CAPS2: variants seen among roughly 807,000 people sequenced by gnomAD.
CAPS2 encodes the protein calcyphosine 2.
Under a neutral mutation model 86.5 loss-of-function variants are expected in CAPS2, and 98 were observed. The ratio of observed to expected loss-of-function variants is 1.13; its 90% confidence interval spans 0.96 to 1.34. The LOEUF is 1.34. Among genes scored for constraint, CAPS2 ranks in the 40% most tolerant of loss-of-function variants. The pLI is 0.00. For missense variants in CAPS2, 729 were observed against 686.8 expected (o/e 1.06, Z -0.69); for synonymous variants, 210 against 225.1 (o/e 0.93, Z 0.60).
At chr12:75,306,177 C>T (rs1212896558) in intron 7 of CAPS2, 7 of 833,000 alleles carry the variant, frequency 8.4e-6, no homozygotes, top group African/African-American at 1.7e-5. Flanking sequence ...ACCTGAAGTA[C>T]CGGCCCGGCC....
At position 75,299,033 on chromosome 12, in the gene CAPS2, C is replaced by T; in HGVS notation, c.855-67G>A. ...ATTTTTAGATGAATTAACTAAAAAA[C>T]ATGTTCATCTCAAGAAGGATAGCTA... On this transcript the variant is annotated intron_variant, in intron 9 of 16. Transcript: ENST00000393284. The T allele has an allele frequency of 2.9e-6, 3 of 1,021,694 alleles. No homozygotes were observed. The South Asian group carries it at 5.0e-5, about 17-fold the overall frequency. The allele number at this position is 1,021,694 out of a possible 1,614,324, so 63.3% of individuals were successfully genotyped here.
intron 2 of CAPS2, among the ~76,000 whole-genome samples, chr12:75,323,704 T>C (rs1421899070): frequency 1.3e-5 from 2 of 152,182 alleles, no homozygotes; most frequent in Non-Finnish European, 2.9e-5. Context: ...GATTGCGCCA[T>C]TGCACTCCAG....
intron 12 of CAPS2, 129 bp downstream of exon 12, chr12:75,293,120 T>C: frequency 4.8e-6 from 3 of 620,076 alleles, no homozygotes; most frequent in Non-Finnish European, 8.4e-6. Context: ...CATACGTAGC[T>C]ATGCTTGTTT....
chr12:75,285,459 C>T (rs912746144), intron 14 of CAPS2, among the ~76,000 whole-genome samples: 3 of 151,946 alleles, frequency 2.0e-5, no homozygotes, highest in Non-Finnish European at 4.4e-5. Context: ...TTATTTGTGA[C>T]AAGAGCACTT....
intron 7 of CAPS2, chr12:75,305,540 T>C: frequency 1.6e-6 from 1 of 621,190 alleles, no homozygotes; most frequent in Non-Finnish European, 3.1e-6. Context: ...CCGGTAGGCG[T>C]TCCTCCGTCC....
chr12:75,305,576 C>T, intron 7 of CAPS2: 1 of 630,892 alleles, frequency 1.6e-6, no homozygotes. Flanking sequence ...CCGCAGAGCC[C>T]TCCTCCAGAC....
chr12:75,283,729 G>T (rs1351492271), intron 15 of CAPS2, among the ~76,000 whole-genome samples: 1 of 152,030 alleles, frequency 6.6e-6, no homozygotes, highest in Non-Finnish European at 1.5e-5. Flanking sequence ...CAGGAGAATC[G>T]CTTGAACCCA....
At chr12:75,356,665 T>C (rs1477759551) in intron 1 of CAPS2, among the ~76,000 whole-genome samples, 1 of 151,964 alleles carries the variant, frequency 6.6e-6, no homozygotes, top group African/African-American at 2.4e-5. Context: ...GCAAATAAAA[T>C]GAATAAGATG....
At chr12:75,347,700 T>A in intron 1 of CAPS2, 3 of 1,602,556 alleles carry the variant, frequency 1.9e-6, no homozygotes, top group Non-Finnish European at 2.6e-6. Flanking sequence ...AACTGCAATA[T>A]TTGTATGCAA....
chr12:75,279,329 T>A (rs542033026), intron 16 of CAPS2, among the ~76,000 whole-genome samples: 1 of 151,980 alleles, frequency 6.6e-6, no homozygotes, highest in African/African-American at 2.4e-5. Context: ...CATAAATTTT[T>A]AAAAAGAACA....
In CAPS2 at chr12:75,363,242, T is replaced by A. The variant is rs116047556; in HGVS notation, c.-395+27596A>T. The stretch of plus-strand genomic sequence containing the variant: ...ACATTTAGAGAGTAAAGTTTCCATA[T>A]ATTTATTAAATTTTAAAATTTGGCT... On this transcript the variant is annotated intron_variant, in intron 1 of 5. Coordinates refer to the CAPS2 transcript ENST00000551829. 1,170 of 850,216 alleles carry A rather than the reference T, an allele frequency of 1.4e-3. 16 individuals carry two copies. In the African/African-American group the frequency reaches 0.02, roughly 14 times the overall value. The allele number at this position is 850,216 out of a possible 1,614,324, so 52.7% of individuals were successfully genotyped here.
chr12:75,376,276 G>T (rs772998544), intron 1 of CAPS2, among the ~76,000 whole-genome samples: 1 of 152,062 alleles, frequency 6.6e-6, no homozygotes, highest in Non-Finnish European at 1.5e-5. Flanking sequence ...AATTCAGCCC[G>T]ATCCAACTTT....
Position 75,343,700 on chromosome 12 carries a change from A to G in CAPS2, c.-394-20478T>C. On this transcript the variant is annotated intron_variant, in intron 1 of 5. Transcript: ENST00000551829. ...ATTATTTTTATCTTTCAGATTTGGG[A>G]TAAAGGTTTAGCAAAGATGGCTAAA... 1.2e-6 allele frequency: 2 copies of G among 1,602,908 alleles called. No homozygotes were observed. The highest frequency in any genetic ancestry group is 1.7e-5 in the Admixed American group (1 of 58,444).
At chr12:75,311,724 CAAAAA>C (rs1188952105) in intron 7 of CAPS2, among the ~76,000 whole-genome samples, 1 of 15,656 alleles carries the variant, frequency 6.4e-5, no homozygotes, top group Non-Finnish European at 1.3e-4. Flanking sequence ...AAAAAAAAAA[CAAAAA>C]AAAAAAAAAA....
intron 6 of CAPS2, 100 bp from the exon 7 acceptor site, chr12:75,313,015 C>A: frequency 1.6e-6 from 1 of 636,756 alleles, no homozygotes; most frequent in Non-Finnish European, 2.8e-6. Context: ...TCTCTGATTT[C>A]CGTCTTAGAT....
intron 16 of CAPS2, among the ~76,000 whole-genome samples, chr12:75,281,563 A>C (rs2033949889): frequency 6.6e-6 from 1 of 152,076 alleles, no homozygotes. Context: ...AAAAGTATTA[A>C]ATATTTATAG....
At position 75,304,752 on chromosome 12, in the gene CAPS2, C is replaced by G; in HGVS notation, c.779+5G>C. On this transcript the variant is annotated splice_donor_5th_base_variant and intron_variant, in intron 8 of 16. Coordinates refer to ENST00000393284, the Ensembl canonical transcript of CAPS2. ...CCTCATTTTATGTAATTAAAATCTT[C>G]TTACTTTGTTTCATGTAGTGTTCTT... 6.4e-7 allele frequency: 1 copy of G among 1,568,762 alleles called. No individual in the cohort carries two copies. Among genetic ancestry groups the G allele is most frequent in the South Asian group, 1.2e-5 (1 of 86,306 alleles).
chr12:75,305,472 C>G, intron 7 of CAPS2: 2 of 566,498 alleles, frequency 3.5e-6, no homozygotes, highest in Non-Finnish European at 6.7e-6. Context: ...AGGATCTGAG[C>G]GACCCCAACT....
intron 1 of CAPS2, among the ~76,000 whole-genome samples, chr12:75,346,022 T>C (rs1197376311): frequency 6.6e-6 from 1 of 152,220 alleles, no homozygotes; most frequent in Non-Finnish European, 1.5e-5. Context: ...CTTGCACTTA[T>C]CACCTACTGA....
Sources: gnomAD v4.1 joint callset for allele counts (sites outside exome capture counted in the v4.1 genomes callset) on GRCh38, gnomAD v4.1.1 for gene constraint, MANE v1.5 for transcripts, NCBI Gene and HGNC (gene_info 2026-07-23, HGNC 2026-07-21) for gene names.